The following HMCN2 variants were observed in gnomAD, a reference collection of about 807,000 sequenced individuals.
HMCN2 encodes the protein hemicentin-2.
A neutral mutation model predicts 377.5 loss-of-function variants in HMCN2; 325 were observed. The ratio of observed to expected loss-of-function variants is 0.86; its 90% CI spans 0.79 to 0.94. HMCN2 has a LOEUF of 0.94. HMCN2 is among the 40% of genes least tolerant of loss of function. HMCN2 has a pLI of 0.00. For missense variants in HMCN2, 4,543 were observed against 4,725.3 expected, an observed-to-expected ratio of 0.96 and a Z score of 1.13; for synonymous variants, 2,007 against 2,046.8, an observed-to-expected ratio of 0.98 and a Z score of 0.53.
At position 130,360,632 on chromosome 9, in the gene HMCN2, C is replaced by T; in HGVS notation, c.5950+28C>T. 8.0e-7 allele frequency: 1 copy of T among 1,253,452 alleles called. No individual in the cohort carries two copies. Among genetic ancestry groups the T allele is most frequent in the Non-Finnish European group, 1.0e-6 (1 of 959,686 alleles). The allele number at this position is 1,253,452 out of a possible 1,614,324, so 77.6% of individuals were successfully genotyped here. The stretch of plus-strand genomic sequence containing the variant: ...GAGCTTCCCTGGGCCTACAAGGTCC[C>T]TTGTCCAAAAAGTTGTCTTTTCATT... On this transcript the variant is annotated intron_variant, in intron 38 of 97. Coordinates refer to ENST00000683500, the MANE Select transcript of HMCN2 (RefSeq NM_001291815.2). The surrounding 1 kb of genome is among the most constrained non-coding windows in gnomAD (Gnocchi z 4.7).
Position 130,383,448 on chromosome 9 carries a change from T to C in HMCN2, c.8734-56T>C, listed in dbSNP as rs4740200. 5.7e-6 allele frequency: 4 copies of C among 702,718 alleles called. No homozygotes were observed. The East Asian group carries it at 5.5e-4, about 96-fold the overall frequency. The allele number at this position is 702,718 out of a possible 1,614,324, so 43.5% of individuals were successfully genotyped here. A position where few individuals can be genotyped will look rare whatever the true frequency, so the allele number is the denominator to read the frequency against. On this transcript the variant is annotated intron_variant, in intron 56 of 97. Transcript: ENST00000683500. ...GATTCCTCGCAGTCATTCCTGGGGG[T>C]GGTGGTGTCCAAGGGGTCTCAGGTA...
At chr9:130,340,624 A>G (rs1231914531) in intron 23 of HMCN2, among the ~76,000 whole-genome samples, 1 of 151,802 alleles carries the variant, frequency 6.6e-6, no homozygotes, top group Non-Finnish European at 1.5e-5. Context: ...GGTTCAAGCA[A>G]TTCTCGTGCT....
chr9:130,308,418 G>A lies in HMCN2; in HGVS notation c.2200+852G>A, dbSNP rs139648793. Among the ~76,000 whole-genome samples, 27 of 152,310 alleles carry A rather than the reference G, an allele frequency of 1.8e-4. No homozygotes were observed. The highest frequency in any genetic ancestry group is 2.8e-4 in the Non-Finnish European group (19 of 68,022). On this transcript the variant is annotated intron_variant, in intron 14 of 97. Coordinates refer to ENST00000683500, the MANE Select transcript of HMCN2 (RefSeq NM_001291815.2). The surrounding 1 kb of genome is among the most constrained non-coding windows in gnomAD (Gnocchi z 4.1). ...GCAGAGCGTTTTCACGGTGCCTGCT[G>A]CCAGGCTGGAGTTTGACGGACGGGT...
At chr9:130,355,911 C>T (rs534316177) in intron 33 of HMCN2, 57 bp downstream of exon 33, 27 of 1,111,288 alleles carry the variant, frequency 2.4e-5, no homozygotes, top group African/African-American at 1.5e-4. Context: ...GTGTGCTTTG[C>T]GGATTGTGGG....
intron 44 of HMCN2, among the ~76,000 whole-genome samples, chr9:130,368,833 A>G (rs1840846307): frequency 6.6e-6 from 1 of 152,120 alleles, no homozygotes; most frequent in Non-Finnish European, 1.5e-5. Context: ...TCACAAGAAC[A>G]GCATAGGGGA....
Position 130,391,086 on chromosome 9 carries a change from T to C in HMCN2, c.9633T>C (p.Ala3211=), listed in dbSNP as rs1035113090. The change falls in exon 63 of 98, where the codon GCT becomes GCC. Residue 3211 remains alanine, a synonymous_variant. Coordinates refer to ENST00000683500, the MANE Select transcript of HMCN2 (RefSeq NM_001291815.2). ...TYTCVAENTQ[A]EARKDFVVAV... ...CGTGCGTGGCTGAGAACACCCAGGCTGAGGCCCGCAAGGACTTCGTGGTAG... is the reference window on the plus strand; with the variant it reads ...CGTGCGTGGCTGAGAACACCCAGGCCGAGGCCCGCAAGGACTTCGTGGTAG... The C allele has an allele frequency of 3.0e-5, 30 of 987,782 alleles. No individual in the cohort carries two copies. The African/African-American group carries it at 5.1e-4, about 17-fold the overall frequency. 61.2% of individuals were successfully genotyped at this position (987,782 alleles called of 1,614,324 possible).
chr9:130,382,293 G>A lies in HMCN2; in HGVS notation c.8541G>A (p.Val2847=), dbSNP rs1295272617. Residue 2847 remains valine, a synonymous_variant, in exon 55 of 98, where the codon GTG becomes GTA. Transcript: ENST00000683500. ...ACTGGCTGCACTACGAGCTGCTGGT[G>A]CTGAGTGAGTGGCGGGGCCTGCAGG... is the stretch of plus-strand genomic sequence containing the variant. ...GEDWLHYELL[V]LTPPVILGDT... 5.1e-6 allele frequency: 5 copies of A among 985,444 alleles called. No individual in the cohort carries two copies. Among genetic ancestry groups the A allele is most frequent in the Non-Finnish European group, 4.8e-6 (4 of 829,668 alleles). The allele number at this position is 985,444 out of a possible 1,614,324, so 61.0% of individuals were successfully genotyped here.
At position 130,286,317 on chromosome 9, in the gene HMCN2, A is replaced by G. The variant is rs150947458; in HGVS notation, c.612+7A>G. The G allele has an allele frequency of 1.1e-5, 5 of 470,828 alleles. No homozygotes were observed. Among genetic ancestry groups the G allele is most frequent in the Middle Eastern group, 3.3e-4 (1 of 3,056 alleles). The allele number at this position is 470,828 out of a possible 1,614,324, so 29.2% of individuals were successfully genotyped here. ...CAAGCAGCAAGTGACAGAGGTGAGC[A>G]CTGGGAGGGGGCACCATCCCGGAGC... is the stretch of plus-strand genomic sequence containing the variant. On this transcript the variant is annotated splice_region_variant and intron_variant, in intron 4 of 97. Transcript: ENST00000683500.
rs1554927246 is a variant in HMCN2 at position 130,285,263 on chromosome 9, GACTATC to G, written c.439_444del (p.Tyr147_His148del). On this transcript the variant is annotated inframe_deletion, in exon 3 of 98. Coordinates refer to ENST00000683500, the MANE Select transcript of HMCN2 (RefSeq NM_001291815.2). ...CGTCTTTTCGGATGCCCGCGCCAAA[GACTATC>G]ACAAGAAGGAAGAGCTGCTGCGGCT... is the stretch of plus-strand genomic sequence containing the variant. 1.1e-5 allele frequency: 5 copies of G among 471,070 alleles called. No homozygotes were observed. In the Admixed American group the frequency reaches 1.2e-4, roughly 11 times the overall value. 29.2% of individuals were successfully genotyped at this position (471,070 alleles called of 1,614,324 possible).
rs1349450038 is a variant in HMCN2, at chr9:130,357,262, A to T, written c.5426-572A>T. On this transcript the variant is annotated intron_variant, in intron 34 of 97. Coordinates refer to ENST00000683500, the MANE Select transcript of HMCN2 (RefSeq NM_001291815.2). ...GGTGGATGGATGGAAGGGTGGGTAG[A>T]TGGATGAATGGGTGGGTGGGTGGAT... 3.5e-5 allele frequency among the ~76,000 whole-genome samples: 4 copies of T among 113,934 alleles called. No homozygotes were observed. The South Asian group carries it at 1.3e-3, about 38-fold the overall frequency. 74.7% of individuals were successfully genotyped at this position (113,934 alleles called of 152,430 possible). A position where few individuals can be genotyped will look rare whatever the true frequency, so the allele number is the denominator to read the frequency against.
rs760462255 is a variant in HMCN2 at position 130,353,220 on chromosome 9, G to T, written c.4864+15G>T. 6.1e-6 allele frequency: 8 copies of T among 1,300,988 alleles called. No homozygotes were observed. The Middle Eastern group carries it at 1.2e-3, about 203-fold the overall frequency. 80.6% of individuals were successfully genotyped at this position (1,300,988 alleles called of 1,614,324 possible). A position where few individuals can be genotyped will look rare whatever the true frequency, so the allele number is the denominator to read the frequency against. Reference sequence around the variant, plus strand: ...GGATGTTTATGGTGAGCAGCCAGGGGCCACGGCAGCCGGGGTGGGCAGTGG... The same window carrying T: ...GGATGTTTATGGTGAGCAGCCAGGGTCCACGGCAGCCGGGGTGGGCAGTGG... On this transcript the variant is annotated intron_variant, in intron 31 of 97. Transcript: ENST00000683500.
At chr9:130,358,251 A>G (rs868425545) in intron 35 of HMCN2, 139 bp from the exon 36 acceptor site, 6 of 1,026,210 alleles carry the variant, frequency 5.8e-6, no homozygotes, top group African/African-American at 3.3e-5. Flanking sequence ...TGCTTGGCTC[A>G]TAACTCTACC....
chr9:130,403,383 C>T, intron 79 of HMCN2, 55 bp downstream of exon 79: 2 of 1,280,616 alleles, frequency 1.6e-6, no homozygotes, highest in South Asian at 2.5e-5. Flanking sequence ...TGGGTCTGGG[C>T]AGGGGGGGAG....
In HMCN2 at chr9:130,368,274, A is replaced by G. The variant is rs1237576949; in HGVS notation, c.6626-2A>G. The G allele has an allele frequency of 1.0e-6, 1 of 985,632 alleles. No individual in the cohort carries two copies. Among genetic ancestry groups the G allele is most frequent in the Non-Finnish European group, 1.2e-6 (1 of 829,880 alleles). The allele number at this position is 985,632 out of a possible 1,614,324, so 61.1% of individuals were successfully genotyped here. Reference sequence around the variant, plus strand: ...CAGGAGTTTCTTTTTTCCTGCACCCAGGTCAACCCCTCCCCGGGGAGGGGG... The same window carrying G: ...CAGGAGTTTCTTTTTTCCTGCACCCGGGTCAACCCCTCCCCGGGGAGGGGG... On this transcript the variant is annotated splice_acceptor_variant, in intron 43 of 97. Transcript: ENST00000683500. LOFTEE classifies it high-confidence loss of function.
rs1836988625 is a variant in HMCN2, at chr9:130,308,074, A to G, written c.2200+508A>G. Among the ~76,000 whole-genome samples the G allele has an allele frequency of 6.6e-6, 1 of 152,078 alleles. No individual in the cohort carries two copies. Among genetic ancestry groups the G allele is most frequent in the Admixed American group, 6.6e-5 (1 of 15,266 alleles). On this transcript the variant is annotated intron_variant, in intron 14 of 97. Transcript: ENST00000683500. This position sits in a 1 kb window ranked among gnomAD's most constrained non-coding sequence, Gnocchi z 4.1. ...TGGGTTCAAGGGATTCTCGTGCCTC[A>G]GCCTCTGGAGTAGCTGGAATTATAG... is the stretch of plus-strand genomic sequence containing the variant.
intron 4 of HMCN2, among the ~76,000 whole-genome samples, chr9:130,290,655 A>G (rs1588181059): frequency 6.6e-6 from 1 of 152,252 alleles, no homozygotes; most frequent in Admixed American, 6.5e-5. Flanking sequence ...GTCCACCCCC[A>G]CATGGACGAA....
chr9:130,427,182 A>G, intron 90 of HMCN2, 131 bp from the exon 91 acceptor site: 1 of 916,734 alleles, frequency 1.1e-6, no homozygotes, highest in Non-Finnish European at 1.7e-6. Flanking sequence ...GGGCTTGCTG[A>G]CTCTCTGGCA....
intron 93 of HMCN2, chr9:130,429,220 G>A: frequency 3.3e-6 from 1 of 304,146 alleles, no homozygotes. Context: ...CCCATGAAGA[G>A]GTCACATCTT....
chr9:130,294,836 T>G lies in HMCN2; in HGVS notation c.613-19T>G, dbSNP rs1363244654. On this transcript the variant is annotated intron_variant, in intron 4 of 97. Transcript: ENST00000683500. ...ATTGTGGGCACCTGCCGGCATCAGC[T>G]CCTCATACTTGCCTCCAGGTGCTGA... 14 of 416,068 alleles carry G rather than the reference T, an allele frequency of 3.4e-5. No individual in the cohort carries two copies. The highest frequency in any genetic ancestry group is 1.9e-4 in the African/African-American group (9 of 48,152). 25.8% of individuals were successfully genotyped at this position (416,068 alleles called of 1,614,324 possible).
Sources: gnomAD v4.1 joint callset for allele counts (sites outside exome capture counted in the v4.1 genomes callset) on GRCh38, gnomAD v4.1.1 for gene constraint, Gnocchi (gnomAD v3.1) non-coding constraint, MANE v1.5 for transcripts, NCBI Gene and HGNC (gene_info 2026-07-23, HGNC 2026-07-21) for gene names.